Variants in DACH2 observed in about 807,000 individuals in gnomAD.
DACH2 encodes the protein dachshund family transcription factor 2.
Under a neutral mutation model 35.8 loss-of-function variants are expected in DACH2, and 17 were observed. The ratio of observed to expected loss-of-function variants is 0.48; its 90% CI spans 0.33 to 0.71. DACH2 has a LOEUF of 0.71. Among genes scored for constraint, DACH2 ranks in the 30% least tolerant of loss-of-function variants. The pLI, the probability that DACH2 is intolerant of heterozygous loss-of-function variation, is 0.02. For synonymous variants in DACH2, 195 were observed against 177.3 expected, an observed-to-expected ratio of 1.10 and a Z score of -0.79; for missense variants, 469 against 472.7, an observed-to-expected ratio of 0.99 and a Z score of 0.07.
At chrX:86,546,418 T>C (rs1385152388) in intron 3 of DACH2, among the ~76,000 whole-genome samples, 4 of 33,874 alleles carry the variant, frequency 1.2e-4, no homozygotes, top group Admixed American at 8.0e-4. Flanking sequence ...CTTCTTCTTC[T>C]TTCTTCTTCT....
chrX:86,684,374 T>G (rs916940243), intron 4 of DACH2, among the ~76,000 whole-genome samples: 3 of 111,738 alleles, frequency 2.7e-5, no homozygotes, highest in Non-Finnish European at 5.6e-5. Context: ...TGGCCAGTCT[T>G]GCCCTCTGCT....
chrX:86,572,913 C>A (rs1024419379), intron 3 of DACH2, among the ~76,000 whole-genome samples: 1 of 111,561 alleles, frequency 9.0e-6, no homozygotes, highest in South Asian at 3.7e-4. Context: ...TGCCCCATTA[C>A]CAACTGTGTC....
chrX:86,641,571 A>T (rs1468327839), intron 3 of DACH2, among the ~76,000 whole-genome samples: 2 of 112,030 alleles, frequency 1.8e-5, no homozygotes, highest in Non-Finnish European at 3.8e-5. Flanking sequence ...CTTGCTAGAG[A>T]GGCCAACAGT....
intron 1 of DACH2, among the ~76,000 whole-genome samples, chrX:86,270,122 TG>T (rs1409488130): frequency 9.5e-6 from 1 of 105,527 alleles, no homozygotes; most frequent in African/African-American, 3.4e-5. Context: ...TGGCTTGGCT[TG>T]GGGGTGGGGA....
At chrX:86,364,010 A>T (rs2035773023) in intron 1 of DACH2, among the ~76,000 whole-genome samples, 1 of 112,001 alleles carries the variant, frequency 8.9e-6, no homozygotes, top group African/African-American at 3.2e-5. Context: ...AAGCCTTTAA[A>T]GAAAATGATG....
chrX:86,180,175 C>CATATATATATATAT lies in DACH2; in HGVS notation c.488+31067_488+31068insATATATATATATAT, dbSNP rs1569292909. On this transcript the variant is annotated intron_variant, in intron 1 of 11. Transcript: ENST00000373125. ...ATGTCCCCTAGCAACCATGCTAAACCGTATATATATATATATATATATATA... is the reference window on the plus strand; with the variant it reads ...ATGTCCCCTAGCAACCATGCTAAACCATATATATATATATGTATATATATATATATATATATATA... 3.3e-3 allele frequency among the ~76,000 whole-genome samples: 51 copies of CATATATATATATAT among 15,582 alleles called. 1 individual carries two copies. The highest frequency in any genetic ancestry group is 0.012 in the African/African-American group (49 of 4,159). 13.5% of individuals were successfully genotyped at this position (15,582 alleles called of 115,157 possible).
intron 2 of DACH2, among the ~76,000 whole-genome samples, chrX:86,426,252 T>C (rs1357163286): frequency 9.0e-6 from 1 of 111,006 alleles, no homozygotes; most frequent in African/African-American, 3.3e-5. Context: ...TATGTGTGTG[T>C]GCTACATACG....
At chrX:86,588,262 C>T (rs1428910094) in intron 3 of DACH2, among the ~76,000 whole-genome samples, 1 of 110,984 alleles carries the variant, frequency 9.0e-6, no homozygotes, top group East Asian at 2.8e-4. Flanking sequence ...CTGTTTCAAT[C>T]ATCATAGCCT....
At chrX:86,746,536 C>T (rs1857017505) in intron 7 of DACH2, among the ~76,000 whole-genome samples, 1 of 111,702 alleles carries the variant, frequency 9.0e-6, no homozygotes, top group Non-Finnish European at 1.9e-5. Context: ...TGTTTATTGG[C>T]TATTTATACA....
intron 6 of DACH2, among the ~76,000 whole-genome samples, chrX:86,733,270 T>TTTCCAACATAAACTA: frequency 9.0e-6 from 1 of 111,537 alleles, no homozygotes; most frequent in Non-Finnish European, 1.9e-5. Flanking sequence ...CTATTATTAG[T>TTTCCAACATAAACTA]AATACAGACT....
intron 1 of DACH2, among the ~76,000 whole-genome samples, chrX:86,206,721 G>T (rs766731194): frequency 9.0e-6 from 1 of 111,404 alleles, no homozygotes; most frequent in Non-Finnish European, 1.9e-5. Context: ...TGTTTGCTTC[G>T]TTGGGTGTAA....
At position 86,148,539 on chromosome X, in the gene DACH2, G is replaced by A. The variant is rs772738216; in HGVS notation, c.-82G>A. On this transcript the variant is annotated 5_prime_UTR_variant, in exon 1 of 12. Transcript: ENST00000373125. Reference sequence around the variant, plus strand: ...AGAGCGCGCCAGAGAGAGCGAGAGTGAGGGAGTGAGTGCGAGGGGATCTAG... The same window carrying A: ...AGAGCGCGCCAGAGAGAGCGAGAGTAAGGGAGTGAGTGCGAGGGGATCTAG... The A allele has an allele frequency of 9.7e-6, 10 of 1,032,938 alleles. No homozygotes were observed. In the African/African-American group the frequency reaches 1.7e-4, roughly 18 times the overall value. 85.1% of individuals were successfully genotyped at this position (1,032,938 alleles called of 1,213,427 possible). A position where few individuals can be genotyped will look rare whatever the true frequency, so the allele number is the denominator to read the frequency against.
At chrX:86,813,712 C>T (rs919745729) in intron 9 of DACH2, among the ~76,000 whole-genome samples, 85 of 109,381 alleles carry the variant, frequency 7.8e-4, no homozygotes, top group Non-Finnish European at 1.2e-3. Flanking sequence ...ACCTTGGTCC[C>T]CTGGCCAACT....
At chrX:86,404,454 A>C (rs2036490346) in intron 2 of DACH2, among the ~76,000 whole-genome samples, 1 of 112,081 alleles carries the variant, frequency 8.9e-6, no homozygotes, top group Admixed American at 9.4e-5. Flanking sequence ...TCCAAAATCC[A>C]ATAGGGCAGT....
chrX:86,391,688 C>A (rs1016560691), intron 2 of DACH2, among the ~76,000 whole-genome samples: 1 of 111,193 alleles, frequency 9.0e-6, no homozygotes, highest in African/African-American at 3.3e-5. Context: ...TCTGGTCATA[C>A]TTTTTATTGA....
chrX:86,698,585 T>A (rs1046999038), intron 5 of DACH2, among the ~76,000 whole-genome samples: 1 of 89,584 alleles, frequency 1.1e-5, no homozygotes, highest in Admixed American at 1.4e-4. Context: ...TGGAGTGTAG[T>A]GGTGTGATCA....
chrX:86,504,726 C>A (rs1056701882), intron 2 of DACH2, among the ~76,000 whole-genome samples: 4 of 110,776 alleles, frequency 3.6e-5, no homozygotes, highest in African/African-American at 1.3e-4. Flanking sequence ...AGCAATTTAT[C>A]CATAATAATA....
intron 3 of DACH2, among the ~76,000 whole-genome samples, chrX:86,593,786 A>T (rs1001958250): frequency 3.6e-5 from 4 of 111,138 alleles, no homozygotes; most frequent in African/African-American, 1.3e-4. Flanking sequence ...TATGTTTTTC[A>T]GTAATATTGA....
chrX:86,149,462 G>GGGTCGGATAGGTTTTT (rs2030285413), intron 1 of DACH2, among the ~76,000 whole-genome samples: 1 of 111,871 alleles, frequency 8.9e-6, no homozygotes, highest in South Asian at 3.8e-4. Context: ...GTGGCCGCAC[G>GGGTCGGATAGGTTTTT]GGTCGGATAG....
Sources: gnomAD v4.1 joint callset for allele counts (sites outside exome capture counted in the v4.1 genomes callset) on GRCh38, gnomAD v4.1.1 for gene constraint, MANE v1.5 for transcripts, NCBI Gene and HGNC (gene_info 2026-07-23, HGNC 2026-07-21) for gene names.